The following CAPZB variants were observed in gnomAD, a reference collection of about 807,000 sequenced individuals.
CAPZB encodes capping actin protein of muscle Z-line subunit beta, also known as F-actin-capping protein subunit beta.
CAPZB carries 2 observed loss-of-function variants against 38.1 expected under a neutral mutation model. The observed-to-expected ratio is 0.05, with a 90% CI of 0.02 to 0.17. CAPZB has a LOEUF of 0.17. Ranked by LOEUF, CAPZB falls within the 10% of genes least tolerant of loss-of-function variation. The pLI, the probability that CAPZB is intolerant of heterozygous loss-of-function variation, is 1.00. For missense variants in CAPZB, 161 were observed against 334.2 expected (o/e 0.48, Z 4.04); for synonymous variants, 107 against 127.4 (o/e 0.84, Z 1.08).
At chr1:19,379,042 C>T (rs955761273) in intron 3 of CAPZB, among the ~76,000 whole-genome samples, 5 of 151,978 alleles carry the variant, frequency 3.3e-5, no homozygotes, top group African/African-American at 1.2e-4. Context: ...TCAACAAATG[C>T]TAGTTCTTTC....
intron 1 of CAPZB, among the ~76,000 whole-genome samples, chr1:19,470,863 A>G (rs1029235522): frequency 1.3e-5 from 2 of 152,236 alleles, no homozygotes; most frequent in African/African-American, 4.8e-5. Flanking sequence ...GGAACGGTGC[A>G]TGCAGAGGAC....
At chr1:19,464,288 GA>G (rs1175931472) in intron 1 of CAPZB, among the ~76,000 whole-genome samples, 45 of 147,056 alleles carry the variant, frequency 3.1e-4, no homozygotes, top group African/African-American at 9.9e-4. Context: ...TATCTCTGAA[GA>G]TTTTTTTTTT....
At chr1:19,387,030 ATATCATGCACCT>A (rs1229338651) in intron 2 of CAPZB, among the ~76,000 whole-genome samples, 1 of 152,150 alleles carries the variant, frequency 6.6e-6, no homozygotes, top group East Asian at 1.9e-4. Context: ...TTTGGTGATA[ATATCATGCACCT>A]TACCATTTCC....
At chr1:19,402,471 C>T (rs2094308381) in intron 2 of CAPZB, among the ~76,000 whole-genome samples, 1 of 152,240 alleles carries the variant, frequency 6.6e-6, no homozygotes, top group African/African-American at 2.4e-5. Context: ...AGCTGATCCT[C>T]AGCAAAACCA....
intron 4 of CAPZB, among the ~76,000 whole-genome samples, chr1:19,377,840 G>A (rs941989978): frequency 7.2e-5 from 11 of 152,204 alleles, no homozygotes; most frequent in African/African-American, 2.7e-4. Flanking sequence ...AGACGGAGCA[G>A]GAAGAAATCT....
rs191926491 is a variant in CAPZB at position 19,413,278 on chromosome 1, A to C, written c.93+6383T>G. Among the ~76,000 whole-genome samples the C allele has an allele frequency of 2.3e-3, 351 of 152,358 alleles. 2 individuals carry two copies. Among genetic ancestry groups the C allele is most frequent in the African/African-American group, 8.3e-3 (347 of 41,584 alleles). On this transcript the variant is annotated intron_variant, in intron 2 of 8. Transcript: ENST00000264202. ...GCCTGACTTCCAGGAGGTGCTCAATAAATGTCGACTGAATCCATTACCTTT... is the reference window on the plus strand; with the variant it reads ...GCCTGACTTCCAGGAGGTGCTCAATCAATGTCGACTGAATCCATTACCTTT...
rs999720263 is a variant in CAPZB, at chr1:19,434,621, T to C, written c.4-14871A>G. On this transcript the variant is annotated intron_variant, in intron 1 of 8. Transcript: ENST00000264202. ...CCATCTTCTTATACAGAACTTCATTTCAGAAAACATAAGATTATAATGTTT... is the reference window on the plus strand; with the variant it reads ...CCATCTTCTTATACAGAACTTCATTCCAGAAAACATAAGATTATAATGTTT... Among the ~76,000 whole-genome samples, 3 of 151,942 alleles carry C rather than the reference T, an allele frequency of 2.0e-5. No individual in the cohort carries two copies. The South Asian group carries it at 6.2e-4, about 32-fold the overall frequency.
At chr1:19,485,312 T>G in intron 1 of CAPZB, 124 bp downstream of exon 1, 2 of 621,268 alleles carry the variant, frequency 3.2e-6, no homozygotes, top group Non-Finnish European at 4.6e-6. Flanking sequence ...CCACCCAGGG[T>G]CCGGGACCCC....
intron 4 of CAPZB, among the ~76,000 whole-genome samples, chr1:19,358,571 C>T (rs2094034448): frequency 6.6e-6 from 1 of 152,270 alleles, no homozygotes. Flanking sequence ...AGGTCAACTA[C>T]TGTGGCTCAC....
At chr1:19,427,313 C>T (rs1479600000) in intron 1 of CAPZB, among the ~76,000 whole-genome samples, 1 of 152,198 alleles carries the variant, frequency 6.6e-6, no homozygotes, top group African/African-American at 2.4e-5. Flanking sequence ...AGCTTCAAGG[C>T]CTTCAGAGTT....
Position 19,375,436 on chromosome 1 carries a change from A to G in CAPZB, c.329+3104T>C, listed in dbSNP as rs151182535. Among the ~76,000 whole-genome samples, 295 of 152,272 alleles carry G rather than the reference A, an allele frequency of 1.9e-3. 1 individual carries two copies. Among genetic ancestry groups the G allele is most frequent in the African/African-American group, 6.6e-3 (275 of 41,562 alleles). On this transcript the variant is annotated intron_variant, in intron 4 of 8. Transcript: ENST00000264202. ...CTGGCCCCACTGCCCCTGCACATGCAAGGTAAGGAAGGGCCTCCTGCCTCT... is the reference window on the plus strand; with the variant it reads ...CTGGCCCCACTGCCCCTGCACATGCGAGGTAAGGAAGGGCCTCCTGCCTCT...
chr1:19,401,285 G>C (rs940404130), intron 2 of CAPZB, among the ~76,000 whole-genome samples: 1 of 152,054 alleles, frequency 6.6e-6, no homozygotes, highest in African/African-American at 2.4e-5. Context: ...ATTTTGGAAA[G>C]ATGGAATTTT....
Position 19,339,435 on chromosome 1 carries a change from G to GGAGGGAAGGGAC in CAPZB, c.*83_*94dup. ...ATGCAGCTGTTATGTGACCTGTCGG[G>GGAGGGAAGGGAC]GAGGGAAGGGACGAGGGAAGGGAGC... is the stretch of plus-strand genomic sequence containing the variant. On this transcript the variant is annotated 3_prime_UTR_variant, in exon 9 of 9. Transcript: ENST00000264202. 1.1e-6 allele frequency: 1 copy of GGAGGGAAGGGAC among 886,754 alleles called. No individual in the cohort carries two copies. Among genetic ancestry groups the GGAGGGAAGGGAC allele is most frequent in the African/African-American group, 1.6e-5 (1 of 61,108 alleles). The allele number at this position is 886,754 out of a possible 1,614,324, so 54.9% of individuals were successfully genotyped here.
intron 6 of CAPZB, among the ~76,000 whole-genome samples, chr1:19,355,490 G>A (rs1243398916): frequency 2.2e-5 from 3 of 135,678 alleles, no homozygotes; most frequent in East Asian, 2.1e-4. Context: ...GCGAGACTCC[G>A]TCTCAAAAAA....
Position 19,452,361 on chromosome 1 carries a change from AAAGG to A in CAPZB, c.4-32615_4-32612del, listed in dbSNP as rs1343054594. 2.6e-5 allele frequency among the ~76,000 whole-genome samples: 4 copies of A among 152,330 alleles called. No homozygotes were observed. In the South Asian group the frequency reaches 8.3e-4, roughly 32 times the overall value. On this transcript the variant is annotated intron_variant, in intron 1 of 8. Transcript: ENST00000264202. ...ACTGGGACATAGGCTCCAGGGGAGC[AAAGG>A]AAGAGGCTGTTCTTGGTCGCCTCTG...
chr1:19,423,516 CTTTT>C (rs11340496), intron 1 of CAPZB, among the ~76,000 whole-genome samples: 6 of 113,270 alleles, frequency 5.3e-5, no homozygotes, highest in African/African-American at 6.9e-5. Flanking sequence ...AGTGAACATT[CTTTT>C]TTTTTTTTTT....
intron 1 of CAPZB, among the ~76,000 whole-genome samples, chr1:19,456,113 T>G (rs1464513228): frequency 6.6e-6 from 1 of 152,198 alleles, no homozygotes; most frequent in South Asian, 2.1e-4. Flanking sequence ...AGTTTTGCCA[T>G]GTTGGCCAGG....
intron 4 of CAPZB, among the ~76,000 whole-genome samples, chr1:19,364,893 T>C: frequency 6.6e-6 from 1 of 151,974 alleles, no homozygotes. Context: ...CTTGCCCAGG[T>C]TGGAGTGCAA....
chr1:19,440,525 A>G (rs2094472408), intron 1 of CAPZB, among the ~76,000 whole-genome samples: 1 of 152,148 alleles, frequency 6.6e-6, no homozygotes, highest in Admixed American at 6.6e-5. Context: ...CCTAAGGCCA[A>G]CCGTTCTGAA....
Sources: gnomAD v4.1 joint callset for allele counts (sites outside exome capture counted in the v4.1 genomes callset) on GRCh38, gnomAD v4.1.1 for gene constraint, MANE v1.5 for transcripts, NCBI Gene and HGNC (gene_info 2026-07-23, HGNC 2026-07-21) for gene names.